The following SCAMP1 variants were observed in gnomAD, a reference collection of about 807,000 sequenced individuals.
SCAMP1 encodes the protein secretory carrier membrane protein 1.
Under a neutral mutation model 41.8 loss-of-function variants are expected in SCAMP1, and 15 were observed. That is an observed-to-expected ratio of 0.36 (90% CI 0.24 to 0.55). The LOEUF is 0.55. SCAMP1 is among the 20% of genes least tolerant of loss of function. The pLI is 0.86. For synonymous variants in SCAMP1, 135 were observed against 136.8 expected (o/e 0.99, Z 0.09); for missense variants, 341 against 412.6 (o/e 0.83, Z 1.50).
intron 2 of SCAMP1, among the ~76,000 whole-genome samples, chr5:78,406,824 G>A (rs1001040947): frequency 6.6e-6 from 1 of 152,190 alleles, no homozygotes; most frequent in East Asian, 1.9e-4. Flanking sequence ...TCCATGGGAT[G>A]AGGATATACA....
intron 1 of SCAMP1, among the ~76,000 whole-genome samples, chr5:78,384,841 AATTTGGTTAACTAGT>A (rs1196942282): frequency 7.9e-5 from 12 of 151,944 alleles, no homozygotes; most frequent in Admixed American, 7.2e-4. Context: ...TATGCTGTTG[AATTTGGTTAACTAGT>A]ATTTGGTTGA....
chr5:78,390,700 A>G (rs906836480), intron 2 of SCAMP1, among the ~76,000 whole-genome samples: 1 of 142,422 alleles, frequency 7.0e-6, no homozygotes, highest in Admixed American at 7.1e-5. Context: ...TTTCTCACAG[A>G]GGGGGATTTG....
rs569077424 is a variant in SCAMP1, at chr5:78,424,521, G to A, written c.632+2561G>A. 2.0e-5 allele frequency among the ~76,000 whole-genome samples: 3 copies of A among 152,216 alleles called. No individual in the cohort carries two copies. In the South Asian group the frequency reaches 6.2e-4, roughly 32 times the overall value. On this transcript the variant is annotated intron_variant, in intron 6 of 8. Coordinates refer to ENST00000621999, the MANE Select transcript of SCAMP1 (RefSeq NM_004866.6). ...GAGGCTGGCGGATCACATGAGGTCA[G>A]GCGTTTGAGAACAGCCTGGCCAACA...
At chr5:78,454,519 C>A (rs1166133856) in intron 7 of SCAMP1, among the ~76,000 whole-genome samples, 1 of 151,774 alleles carries the variant, frequency 6.6e-6, no homozygotes, top group Non-Finnish European at 1.5e-5. Context: ...AGCCTTGCAT[C>A]CCAGGGATGA....
At chr5:78,461,408 C>T (rs1409870726) in intron 8 of SCAMP1, among the ~76,000 whole-genome samples, 8 of 152,122 alleles carry the variant, frequency 5.3e-5, no homozygotes, top group Non-Finnish European at 2.9e-5. Flanking sequence ...GCCAGTTTAC[C>T]CAGCACCATT....
chr5:78,449,567 T>G (rs1324384890), intron 6 of SCAMP1, among the ~76,000 whole-genome samples: 1 of 152,220 alleles, frequency 6.6e-6, no homozygotes, highest in East Asian at 1.9e-4. Context: ...CAAAAATTAT[T>G]AAAGCGATAT....
intron 2 of SCAMP1, among the ~76,000 whole-genome samples, chr5:78,402,769 G>A (rs370924046): frequency 4.7e-4 from 71 of 151,906 alleles, no homozygotes; most frequent in African/African-American, 1.6e-3. Flanking sequence ...CCTTGAGACC[G>A]TTGATGTTCA....
intron 1 of SCAMP1, among the ~76,000 whole-genome samples, chr5:78,373,982 T>C (rs1021467742): frequency 1.2e-4 from 19 of 152,132 alleles, no homozygotes; most frequent in Non-Finnish European, 1.8e-4. Context: ...GCATTGGAGA[T>C]TAAAGTGGAC....
intron 6 of SCAMP1, among the ~76,000 whole-genome samples, chr5:78,433,891 T>C (rs748210709): frequency 3.3e-5 from 5 of 152,146 alleles, no homozygotes; most frequent in Non-Finnish European, 7.3e-5. Context: ...ATCTCTAAGG[T>C]CTCTGTAATA....
intron 7 of SCAMP1, among the ~76,000 whole-genome samples, chr5:78,452,712 A>G (rs1159604218): frequency 2.6e-5 from 4 of 151,206 alleles, no homozygotes; most frequent in Non-Finnish European, 5.9e-5. Context: ...CAGTAATGGG[A>G]TGGCTGGGTC....
chr5:78,392,363 T>C (rs1203508752), intron 2 of SCAMP1, among the ~76,000 whole-genome samples: 2 of 152,224 alleles, frequency 1.3e-5, no homozygotes, highest in South Asian at 2.1e-4. Context: ...TATTAACTCG[T>C]GTTATCTGTA....
intron 2 of SCAMP1, among the ~76,000 whole-genome samples, chr5:78,414,305 T>C (rs1752155089): frequency 6.6e-6 from 1 of 151,936 alleles, no homozygotes; most frequent in South Asian, 2.1e-4. Context: ...TTTTTTGAGA[T>C]GGAGTCTTGC....
intron 1 of SCAMP1, among the ~76,000 whole-genome samples, chr5:78,375,974 T>C (rs1751054266): frequency 6.6e-6 from 1 of 152,196 alleles, no homozygotes; most frequent in Non-Finnish European, 1.5e-5. Flanking sequence ...TTTTACTCCA[T>C]ATAAAGAATC....
intron 6 of SCAMP1, among the ~76,000 whole-genome samples, chr5:78,445,039 T>C (rs1451709003): frequency 6.6e-6 from 1 of 152,206 alleles, no homozygotes; most frequent in East Asian, 1.9e-4. Flanking sequence ...CATTTAGTGG[T>C]GTGCTTTAGT....
At chr5:78,445,449 G>A (rs573258723) in intron 6 of SCAMP1, among the ~76,000 whole-genome samples, 30 of 152,242 alleles carry the variant, frequency 2.0e-4, no homozygotes, top group Middle Eastern at 3.4e-3. Flanking sequence ...GTAAACTGAG[G>A]CAGATTACAA....
intron 7 of SCAMP1, among the ~76,000 whole-genome samples, chr5:78,455,029 AT>A (rs1326179596): frequency 1.7e-4 from 26 of 151,956 alleles, no homozygotes; most frequent in South Asian, 2.1e-4. Flanking sequence ...CAGTGGTGAT[AT>A]CCCCTTTATC....
intron 2 of SCAMP1, among the ~76,000 whole-genome samples, chr5:78,394,853 C>T (rs1037683640): frequency 7.9e-5 from 12 of 152,210 alleles, no homozygotes; most frequent in Admixed American, 2.0e-4. Context: ...CTAACAGCTT[C>T]TTTTCCTACA....
At chr5:78,460,792 C>CTTTCTTTCTTTCTTTCTTTCTTTCTTT (rs1455953441) in intron 8 of SCAMP1, among the ~76,000 whole-genome samples, 2 of 34,568 alleles carry the variant, frequency 5.8e-5, no homozygotes, top group Admixed American at 1.8e-4. Flanking sequence ...TTCCTTCCTT[C>CTTTCTTTCTTTCTTTCTTTCTTTCTTT]CTTCCTTCCT....
At chr5:78,439,376 T>C (rs976435160) in intron 6 of SCAMP1, among the ~76,000 whole-genome samples, 1 of 152,228 alleles carries the variant, frequency 6.6e-6, no homozygotes, top group African/African-American at 2.4e-5. Context: ...CCATGTTTAG[T>C]GCTTCCTTCA....
Sources: gnomAD v4.1 joint callset for allele counts (sites outside exome capture counted in the v4.1 genomes callset) on GRCh38, gnomAD v4.1.1 for gene constraint, MANE v1.5 for transcripts, NCBI Gene and HGNC (gene_info 2026-07-23, HGNC 2026-07-21) for gene names.